Variants in PEPD observed in about 807,000 individuals in gnomAD.
PEPD encodes the protein xaa-Pro dipeptidase.
A neutral mutation model predicts 60.7 loss-of-function variants in PEPD; 53 were observed. The observed-to-expected ratio is 0.87, with a 90% CI of 0.70 to 1.10. The LOEUF is 1.10. Ranked by LOEUF, PEPD falls within the 50% of genes least tolerant of loss-of-function variation. The pLI is 0.00. For synonymous variants in PEPD, 267 were observed against 284.1 expected (o/e 0.94, Z 0.60); for missense variants, 711 against 711.9 (o/e 1.00, Z 0.01).
chr19:33,410,024 C>T (rs922847703), intron 11 of PEPD, among the ~76,000 whole-genome samples: 6 of 152,364 alleles, frequency 3.9e-5, no homozygotes, highest in Middle Eastern at 3.4e-3. Context: ...ACGGTGGCTA[C>T]GCAGGGGGGA....
chr19:33,491,609 G>C (rs1970502374), intron 5 of PEPD, among the ~76,000 whole-genome samples: 1 of 152,182 alleles, frequency 6.6e-6, no homozygotes, highest in South Asian at 2.1e-4. Flanking sequence ...TTATAACCTG[G>C]CGTGTCCACC....
chr19:33,471,266 G>A (rs10423840), intron 7 of PEPD, among the ~76,000 whole-genome samples: 63,730 of 151,976 alleles, frequency 0.42, 14,177 homozygotes, highest in African/African-American at 0.57. Context: ...CCAATTATCC[G>A]TAGGGCACTC....
chr19:33,393,083 C>A (rs970330564), intron 12 of PEPD, among the ~76,000 whole-genome samples: 3 of 151,712 alleles, frequency 2.0e-5, no homozygotes, highest in African/African-American at 4.8e-5. Flanking sequence ...CCCCACCCCC[C>A]ACACAGAGCA....
At chr19:33,432,186 A>C (rs541896234) in intron 9 of PEPD, among the ~76,000 whole-genome samples, 71 of 152,106 alleles carry the variant, frequency 4.7e-4, no homozygotes, top group Non-Finnish European at 2.4e-4. Context: ...TCTGTCGGCA[A>C]GGCTCTCTGG....
chr19:33,443,928 G>T (rs1291102601), intron 9 of PEPD, among the ~76,000 whole-genome samples: 1 of 151,838 alleles, frequency 6.6e-6, no homozygotes, highest in Admixed American at 6.6e-5. Context: ...GTGTGTAATG[G>T]GTGTACGTAC....
intron 9 of PEPD, among the ~76,000 whole-genome samples, chr19:33,456,132 G>A (rs1568480780): frequency 6.6e-6 from 1 of 152,066 alleles, no homozygotes; most frequent in Non-Finnish European, 1.5e-5. Context: ...AAGCCACAGG[G>A]TCCCACAGCC....
chr19:33,483,807 C>T (rs1410396963), intron 6 of PEPD, among the ~76,000 whole-genome samples: 1 of 151,848 alleles, frequency 6.6e-6, no homozygotes, highest in Non-Finnish European at 1.5e-5. Flanking sequence ...TGACTCTTGC[C>T]CAGTCTCTTT....
chr19:33,460,523 T>C (rs1313850672), intron 9 of PEPD, among the ~76,000 whole-genome samples: 1 of 152,094 alleles, frequency 6.6e-6, no homozygotes, highest in Non-Finnish European at 1.5e-5. Context: ...GGGTGACCCC[T>C]CTCTCCCAAC....
intron 9 of PEPD, among the ~76,000 whole-genome samples, chr19:33,425,327 G>T (rs189628567): frequency 6.0e-4 from 75 of 125,260 alleles, no homozygotes; most frequent in Non-Finnish European, 1.1e-3. Context: ...CAAACAAAAA[G>T]GCTTGCCAGA....
chr19:33,415,236 G>A (rs548157118), intron 9 of PEPD, among the ~76,000 whole-genome samples: 2 of 152,228 alleles, frequency 1.3e-5, no homozygotes, highest in Non-Finnish European at 2.9e-5. Flanking sequence ...CATTCTCGAC[G>A]TGATGGCGAC....
At position 33,387,941 on chromosome 19, in the gene PEPD, G is replaced by A. The variant is rs758148546; in HGVS notation, c.1293C>T (p.Arg431=). ...LLDEALADPA[R]ASFLNREVLQ... ...GGACCTCGCGGTTAAGGAAGGAGGC[G>A]CGGGCCGGGTCCGCCAGGGCCTCAT... Residue 431 remains arginine, a synonymous_variant, in exon 14 of 15, where the codon CGC becomes CGT. Transcript: ENST00000244137. 9.4e-6 allele frequency: 15 copies of A among 1,597,512 alleles called. No individual in the cohort carries two copies. Among genetic ancestry groups the A allele is most frequent in the South Asian group, 2.3e-5 (2 of 88,422 alleles).
intron 11 of PEPD, among the ~76,000 whole-genome samples, chr19:33,408,920 G>C (rs892006656): frequency 6.6e-6 from 1 of 152,220 alleles, no homozygotes; most frequent in African/African-American, 2.4e-5. Flanking sequence ...AACAAAACAT[G>C]TTGTTCTAAA....
At chr19:33,444,195 G>A (rs1433350033) in intron 9 of PEPD, among the ~76,000 whole-genome samples, 1 of 152,164 alleles carries the variant, frequency 6.6e-6, no homozygotes, top group Non-Finnish European at 1.5e-5. Context: ...GGAGAGGGGT[G>A]CGTGCAATAA....
chr19:33,504,042 A>G (rs1970757671), intron 3 of PEPD, among the ~76,000 whole-genome samples: 1 of 152,222 alleles, frequency 6.6e-6, no homozygotes. Flanking sequence ...GAGCCATTCG[A>G]CAGATACAAC....
intron 9 of PEPD, among the ~76,000 whole-genome samples, chr19:33,461,818 C>T (rs8108999): frequency 0.39 from 59,543 of 152,058 alleles, 12,229 homozygotes; most frequent in African/African-American, 0.51. Flanking sequence ...GATAGCTCTG[C>T]GAGCCCTTCT....
chr19:33,413,027 G>C (rs981803417), intron 10 of PEPD, among the ~76,000 whole-genome samples: 3 of 152,176 alleles, frequency 2.0e-5, no homozygotes, highest in Non-Finnish European at 4.4e-5. Context: ...ACACCCAAGC[G>C]CACACACCCA....
intron 13 of PEPD, among the ~76,000 whole-genome samples, chr19:33,390,340 C>T (rs1039025817): frequency 6.6e-6 from 1 of 152,206 alleles, no homozygotes; most frequent in Non-Finnish European, 1.5e-5. Flanking sequence ...GATGAATAGA[C>T]ATTAGGAAAT....
At chr19:33,480,859 C>T (rs114911019) in intron 6 of PEPD, among the ~76,000 whole-genome samples, 1,698 of 150,958 alleles carry the variant, frequency 0.011, 36 homozygotes, top group African/African-American at 0.039. Flanking sequence ...AAACCTAACA[C>T]GTAGCTCTAA....
intron 14 of PEPD, 199 bp from the exon 15 acceptor site, chr19:33,387,680 C>T: frequency 1.3e-6 from 1 of 797,138 alleles, no homozygotes; most frequent in Non-Finnish European, 2.1e-6. Flanking sequence ...TGGATGGGAG[C>T]CCCTGGAGCG....
Sources: gnomAD v4.1 joint callset for allele counts (sites outside exome capture counted in the v4.1 genomes callset) on GRCh38, gnomAD v4.1.1 for gene constraint, MANE v1.5 for transcripts, NCBI Gene and HGNC (gene_info 2026-07-23, HGNC 2026-07-21) for gene names.